The following SOX5 variants were observed in gnomAD, a reference collection of about 807,000 sequenced individuals.
The protein encoded by SOX5 is transcription factor SOX-5.
In SOX5, 9 loss-of-function variants were observed where a neutral mutation model predicts 92.0. That is an observed-to-expected ratio of 0.10 (90% confidence interval 0.06 to 0.17). SOX5 has a LOEUF of 0.17. Ranked by LOEUF, SOX5 falls within the 10% of genes least tolerant of loss-of-function variation. The pLI is 1.00. For missense variants in SOX5, 642 were observed against 944.5 expected (o/e 0.68, Z 4.20); for synonymous variants, 344 against 336.3 (o/e 1.02, Z -0.25).
chr12:24,324,015 C>T (rs982582321), intron 2 of SOX5, among the ~76,000 whole-genome samples: 3 of 152,110 alleles, frequency 2.0e-5, no homozygotes, highest in African/African-American at 4.8e-5. Context: ...ATTACAAGGG[C>T]AGCTTAGTGA....
intron 4 of SOX5, among the ~76,000 whole-genome samples, chr12:24,186,578 A>T (rs1287937295): frequency 6.6e-6 from 1 of 152,186 alleles, no homozygotes; most frequent in East Asian, 1.9e-4. Context: ...AATTGCCCAT[A>T]AACAAGGGAT....
At chr12:24,414,754 G>A (rs1257920781) in intron 1 of SOX5, among the ~76,000 whole-genome samples, 3 of 152,328 alleles carry the variant, frequency 2.0e-5, no homozygotes, top group South Asian at 2.1e-4. Flanking sequence ...CAGAACTACC[G>A]CATTCTTAGA....
At chr12:24,037,866 T>A (rs1354823027) in intron 4 of SOX5, among the ~76,000 whole-genome samples, 2 of 152,146 alleles carry the variant, frequency 1.3e-5, no homozygotes, top group African/African-American at 2.4e-5. Flanking sequence ...GCTGGAGTCC[T>A]AATGGTACTA....
At position 23,530,833 on chromosome 12, in the gene SOX5, G is replaced by T. The variant is rs919937114; in HGVS notation, c.*3386C>A. The T allele has an allele frequency of 6.6e-6, 1 of 151,126 alleles. No individual in the cohort carries two copies. The highest frequency in any genetic ancestry group is 2.4e-5 in the African/African-American group (1 of 41,246). 9.4% of individuals were successfully genotyped at this position (151,126 alleles called of 1,614,324 possible). ...TGTGTGTGTGTGCGCGCGCGCGCGC[G>T]CGCATGTGAGAGAGAGAGAGAAAGG... On this transcript the variant is annotated 3_prime_UTR_variant, in exon 15 of 15. Coordinates refer to ENST00000451604, the MANE Select transcript of SOX5 (RefSeq NM_006940.6).
chr12:23,977,278 A>C (rs1008641353), intron 4 of SOX5, among the ~76,000 whole-genome samples: 2 of 152,198 alleles, frequency 1.3e-5, no homozygotes, highest in African/African-American at 4.8e-5. Context: ...GCATGCTATA[A>C]AATGATGCTT....
intron 4 of SOX5, among the ~76,000 whole-genome samples, chr12:24,033,734 G>A (rs918125543): frequency 1.3e-4 from 20 of 151,956 alleles, no homozygotes; most frequent in African/African-American, 2.7e-4. Flanking sequence ...CAGAAAATCC[G>A]TCTGTAGGTA....
chr12:24,559,974 A>G (rs1303050544), intron 1 of SOX5, among the ~76,000 whole-genome samples: 1 of 152,196 alleles, frequency 6.6e-6, no homozygotes, highest in Non-Finnish European at 1.5e-5. Flanking sequence ...GTTTAAGCTC[A>G]ACAACAAAAC....
intron 2 of SOX5, among the ~76,000 whole-genome samples, chr12:24,322,283 C>T (rs1950277099): frequency 6.6e-6 from 1 of 152,110 alleles, no homozygotes. Flanking sequence ...CTGGCATACA[C>T]TATCATTATT....
upstream of SOX5, chr12:23,951,106 C>A: frequency 1.0e-5 from 5 of 494,066 alleles, no homozygotes; most frequent in South Asian, 1.6e-4. Context: ...AAAAAAAAGC[C>A]TTCCATTGTT....
At chr12:24,545,520 G>T (rs986344298) in intron 1 of SOX5, among the ~76,000 whole-genome samples, 1 of 151,846 alleles carries the variant, frequency 6.6e-6, no homozygotes, top group Non-Finnish European at 1.5e-5. Context: ...AAAAAAAATC[G>T]ACAGATTTTC....
chr12:23,828,338 A>C (rs557630682), intron 3 of SOX5, among the ~76,000 whole-genome samples: 17 of 152,280 alleles, frequency 1.1e-4, no homozygotes, highest in African/African-American at 3.8e-4. Flanking sequence ...GTGTGTGCAC[A>C]CACACACATG....
intron 2 of SOX5, among the ~76,000 whole-genome samples, chr12:24,357,016 A>C (rs1330838261): frequency 6.6e-6 from 1 of 152,248 alleles, no homozygotes; most frequent in East Asian, 1.9e-4. Flanking sequence ...ACCATGAATA[A>C]TAGATGCTTC....
At chr12:24,535,398 T>G (rs1451687688) in intron 1 of SOX5, among the ~76,000 whole-genome samples, 1 of 152,210 alleles carries the variant, frequency 6.6e-6, no homozygotes. Flanking sequence ...TTGTTTGTTT[T>G]TAATTTGCTT....
At chr12:24,325,506 T>A in intron 2 of SOX5, among the ~76,000 whole-genome samples, 1 of 152,060 alleles carries the variant, frequency 6.6e-6, no homozygotes, top group Non-Finnish European at 1.5e-5. Context: ...GAGCCTTGAT[T>A]TAGAAAAGGA....
At chr12:23,767,256 A>AT (rs2094767967) in intron 3 of SOX5, among the ~76,000 whole-genome samples, 2 of 143,794 alleles carry the variant, frequency 1.4e-5, no homozygotes, top group Admixed American at 1.4e-4. Flanking sequence ...ACATATATAT[A>AT]TTCATCAACA....
intron 2 of SOX5, among the ~76,000 whole-genome samples, chr12:24,358,484 C>T (rs1053515332): frequency 2.0e-5 from 3 of 151,954 alleles, no homozygotes; most frequent in East Asian, 3.9e-4. Flanking sequence ...GTCCTTTCGG[C>T]GCCAATGGTC....
chr12:23,678,039 A>C (rs1350421422), intron 6 of SOX5, among the ~76,000 whole-genome samples: 1 of 152,148 alleles, frequency 6.6e-6, no homozygotes, highest in Non-Finnish European at 1.5e-5. Context: ...CTAAGGACAC[A>C]CTAGCAGTTT....
chr12:23,959,633 T>A lies in SOX5; in HGVS notation c.-1-63609A>T, dbSNP rs555092923. 2.2e-4 allele frequency among the ~76,000 whole-genome samples: 33 copies of A among 152,146 alleles called. No individual in the cohort carries two copies. The South Asian group carries it at 6.4e-3, about 30-fold the overall frequency. On this transcript the variant is annotated intron_variant, in intron 4 of 4. Coordinates refer to the SOX5 transcript ENST00000446891. ...AAATAAAAAGACAACAATGACGATA[T>A]CTAAGGAAAGGGCTACCCCCTCCAT... is the stretch of plus-strand genomic sequence containing the variant.
chr12:24,450,470 TTTTA>T (rs75555397), intron 1 of SOX5, among the ~76,000 whole-genome samples: 6,088 of 145,774 alleles, frequency 0.042, 181 homozygotes, highest in African/African-American at 0.074. Context: ...TGTGTATTTA[TTTTA>T]TTTATTTATT....
Sources: allele counts gnomAD v4.1 joint callset (sites outside exome capture counted in the v4.1 genomes callset), GRCh38; gene constraint gnomAD v4.1.1; transcripts MANE v1.5; gene names NCBI Gene and HGNC (gene_info 2026-07-23, HGNC 2026-07-21).